Variants in RORA observed in about 807,000 individuals in gnomAD.
The protein encoded by RORA is nuclear receptor ROR-alpha.
RORA carries 7 observed loss-of-function variants against 69.5 expected under a neutral mutation model. That is an observed-to-expected ratio of 0.10 (90% CI 0.06 to 0.19). RORA has a LOEUF of 0.19. RORA is among the 10% of genes least tolerant of loss of function. The probability of loss-of-function intolerance (pLI) is 1.00; values close to 1 mark genes in which losing one functional copy is unlikely to be tolerated. For missense variants in RORA, 457 were observed against 663.0 expected (o/e 0.69, Z 3.41); for synonymous variants, 261 against 240.8 (o/e 1.08, Z -0.78).
chr15:60,690,926 C>T (rs2070814123), intron 1 of RORA, among the ~76,000 whole-genome samples: 1 of 152,182 alleles, frequency 6.6e-6, no homozygotes, highest in Admixed American at 6.5e-5. Flanking sequence ...ACTTTTTGAA[C>T]TATAAATCCG....
intron 1 of RORA, among the ~76,000 whole-genome samples, chr15:60,732,704 C>G (rs188480660): frequency 6.6e-6 from 1 of 151,946 alleles, no homozygotes; most frequent in Admixed American, 6.6e-5. Context: ...GTACACACAC[C>G]CCCCTTTACA....
chr15:60,621,203 T>TAC (rs2069396313), intron 2 of RORA, among the ~76,000 whole-genome samples: 1 of 151,688 alleles, frequency 6.6e-6, no homozygotes, highest in Non-Finnish European at 1.5e-5. Flanking sequence ...TCATCGAATA[T>TAC]ATATATATAT....
intron 2 of RORA, among the ~76,000 whole-genome samples, chr15:60,598,751 A>G (rs374460513): frequency 1.3e-5 from 2 of 152,200 alleles, no homozygotes; most frequent in African/African-American, 4.8e-5. Context: ...TAAACCCTAC[A>G]TTGTTCAGGG....
intron 2 of RORA, among the ~76,000 whole-genome samples, chr15:60,610,007 TC>T (rs1412163671): frequency 2.0e-5 from 3 of 151,972 alleles, no homozygotes; most frequent in Non-Finnish European, 4.4e-5. Flanking sequence ...AAATTGCAGC[TC>T]GAGAGAGCCG....
intron 1 of RORA, among the ~76,000 whole-genome samples, chr15:60,796,979 G>C (rs991684569): frequency 6.7e-6 from 1 of 149,220 alleles, no homozygotes; most frequent in African/African-American, 2.4e-5. Flanking sequence ...CAAATACCAT[G>C]AGTAGGTTTA....
intron 1 of RORA, among the ~76,000 whole-genome samples, chr15:60,864,013 G>T (rs931249168): frequency 6.6e-6 from 1 of 152,024 alleles, no homozygotes; most frequent in Non-Finnish European, 1.5e-5. Context: ...CACCATATTG[G>T]CCAGGCTGGT....
At position 60,599,120 on chromosome 15, in the gene RORA, T is replaced by C. The variant is rs569593229; in HGVS notation, c.197-67269A>G. 3.9e-5 allele frequency among the ~76,000 whole-genome samples: 6 copies of C among 152,372 alleles called. No homozygotes were observed. The East Asian group carries it at 9.6e-4, about 24-fold the overall frequency. On this transcript the variant is annotated intron_variant, in intron 2 of 10. Transcript: ENST00000335670. ...AAGTCAAGAATAAGAGTGGTTACTA[T>C]GTGCGGGGTTCATCTGAAACTTTAA...
intron 1 of RORA, among the ~76,000 whole-genome samples, chr15:60,873,645 T>C (rs907401707): frequency 6.6e-6 from 1 of 152,184 alleles, no homozygotes; most frequent in Non-Finnish European, 1.5e-5. Flanking sequence ...TAAATGACTA[T>C]ACAAACTTAG....
intron 1 of RORA, among the ~76,000 whole-genome samples, chr15:61,126,101 C>A (rs1452520898): frequency 6.6e-6 from 1 of 152,202 alleles, no homozygotes; most frequent in Non-Finnish European, 1.5e-5. Flanking sequence ...TCCTCTGGGG[C>A]TACAAGGAAC....
chr15:60,949,560 A>C (rs1442826168), intron 1 of RORA, among the ~76,000 whole-genome samples: 2 of 152,150 alleles, frequency 1.3e-5, no homozygotes, highest in African/African-American at 4.8e-5. Flanking sequence ...TTCTGCTCCA[A>C]TTGTCGTAGC....
chr15:61,160,628 G>T (rs1372859526), intron 1 of RORA, among the ~76,000 whole-genome samples: 1 of 152,162 alleles, frequency 6.6e-6, no homozygotes, highest in Non-Finnish European at 1.5e-5. Context: ...CCTGCTTGAT[G>T]AAGAAATGGA....
At chr15:60,622,815 A>G (rs981323430) in intron 2 of RORA, among the ~76,000 whole-genome samples, 1 of 152,124 alleles carries the variant, frequency 6.6e-6, no homozygotes, top group Non-Finnish European at 1.5e-5. Context: ...TCCTGGGCTC[A>G]GGTGATTCTT....
At position 60,708,354 on chromosome 15, in the gene RORA, G is replaced by A. The variant is rs547264242; in HGVS notation, c.167-29668C>T. ...GGAGAATCGCTTGAATCCAGGAGGC[G>A]GAGGTTGCAATGAGCCGAGATGGCA... is the stretch of plus-strand genomic sequence containing the variant. On this transcript the variant is annotated intron_variant, in intron 1 of 10. Coordinates refer to ENST00000335670, the MANE Select transcript of RORA (RefSeq NM_134261.3). Among the ~76,000 whole-genome samples the A allele has an allele frequency of 1.2e-4, 18 of 151,532 alleles. No homozygotes were observed. The East Asian group carries it at 1.7e-3, about 15-fold the overall frequency.
intron 1 of RORA, among the ~76,000 whole-genome samples, chr15:60,907,952 G>T (rs141512647): frequency 1.8e-4 from 28 of 152,156 alleles, no homozygotes; most frequent in Non-Finnish European, 4.0e-4. Context: ...TTCTCTAATG[G>T]GACTCCCTTG....
intron 1 of RORA, among the ~76,000 whole-genome samples, chr15:61,198,067 A>G (rs1038343140): frequency 1.3e-5 from 2 of 152,202 alleles, no homozygotes; most frequent in African/African-American, 4.8e-5. Flanking sequence ...GGGCCAGACT[A>G]GAGGAAGCAA....
chr15:61,033,740 T>C (rs1334090178), intron 1 of RORA, among the ~76,000 whole-genome samples: 1 of 152,122 alleles, frequency 6.6e-6, no homozygotes, highest in Non-Finnish European at 1.5e-5. Flanking sequence ...TACACCAGAT[T>C]TTCCAGATTT....
chr15:60,770,344 T>C (rs2072055413), intron 1 of RORA, among the ~76,000 whole-genome samples: 3 of 152,192 alleles, frequency 2.0e-5, no homozygotes, highest in Non-Finnish European at 4.4e-5. Context: ...GACCAGCACA[T>C]ACAGGCAGGT....
In RORA at chr15:60,496,891, A is replaced by ATAGT. The variant is rs2065180864; in HGVS notation, c.*560_*563dup. ...TAAACAATATCTCTTTTAGCTATATATAGTCTTCATGCCCATTTACCCTGT... is the reference window on the plus strand; with the variant it reads ...TAAACAATATCTCTTTTAGCTATATATAGTTAGTCTTCATGCCCATTTACCCTGT... On this transcript the variant is annotated 3_prime_UTR_variant, in exon 11 of 11. Transcript: ENST00000335670. The surrounding 1 kb of genome is among the most constrained non-coding windows in gnomAD (Gnocchi z 4.5). 6.6e-6 allele frequency: 1 copy of ATAGT among 152,294 alleles called. No individual in the cohort carries two copies. The highest frequency in any genetic ancestry group is 2.4e-5 in the African/African-American group (1 of 41,464). 9.4% of individuals were successfully genotyped at this position (152,294 alleles called of 1,614,324 possible). A position where few individuals can be genotyped will look rare whatever the true frequency, so the allele number is the denominator to read the frequency against.
intron 1 of RORA, among the ~76,000 whole-genome samples, chr15:60,759,228 G>A (rs1280347403): frequency 2.0e-5 from 3 of 152,190 alleles, no homozygotes; most frequent in Non-Finnish European, 4.4e-5. Flanking sequence ...GAGAGCCTGA[G>A]AGAACACACT....
Sources: allele counts gnomAD v4.1 joint callset (sites outside exome capture counted in the v4.1 genomes callset), GRCh38; gene constraint gnomAD v4.1.1; non-coding constraint Gnocchi (gnomAD v3.1); transcripts MANE v1.5; gene names NCBI Gene and HGNC (gene_info 2026-07-23, HGNC 2026-07-21).